The following SPEN variants were observed in gnomAD, a reference collection of about 807,000 sequenced individuals.
The protein encoded by SPEN is msx2-interacting protein.
In SPEN, 18 loss-of-function variants were observed where a neutral mutation model predicts 269.9. The ratio of observed to expected loss-of-function variants is 0.07; its 90% CI spans 0.05 to 0.10. SPEN has a LOEUF of 0.10. SPEN is among the 10% of genes least tolerant of loss of function. The pLI, the probability that SPEN is intolerant of heterozygous loss-of-function variation, is 1.00. For missense variants in SPEN, 3,822 were observed against 4,631.2 expected (o/e 0.83, Z 5.07); for synonymous variants, 1,726 against 1,765.7 (o/e 0.98, Z 0.56).
chr1:15,859,260 A>G lies in SPEN; in HGVS notation c.83+11110A>G, dbSNP rs142339363. On this transcript the variant is annotated intron_variant, in intron 1 of 14. Transcript: ENST00000375759. ...AGCCTCCAACTTTTGGCTTCAAGCAATATTTCCGCCTCAACCTGCCAAGTA... is the reference window on the plus strand; with the variant it reads ...AGCCTCCAACTTTTGGCTTCAAGCAGTATTTCCGCCTCAACCTGCCAAGTA... 3.3e-3 allele frequency among the ~76,000 whole-genome samples: 493 copies of G among 151,336 alleles called. 1 individual carries two copies. The highest frequency in any genetic ancestry group is 0.011 in the African/African-American group (448 of 41,258).
Position 15,892,012 on chromosome 1 carries a change from CTT to C in SPEN, c.881+15358_881+15359del, listed in dbSNP as rs71003216. 3.7e-3 allele frequency among the ~76,000 whole-genome samples: 278 copies of C among 74,598 alleles called. 1 individual carries two copies. Among genetic ancestry groups the C allele is most frequent in the South Asian group, 0.012 (20 of 1,636 alleles). The allele number at this position is 74,598 out of a possible 152,430, so 48.9% of individuals were successfully genotyped here. On this transcript the variant is annotated intron_variant, in intron 3 of 14. Coordinates refer to ENST00000375759, the MANE Select transcript of SPEN (RefSeq NM_015001.3). ...CATTAATTACATCTGTTTCTTTTTA[CTT>C]TTTTTTTTTTTTTTTTTTTTTTTGG...
At chr1:15,910,365 C>T (rs573078779) in intron 4 of SPEN, among the ~76,000 whole-genome samples, 2 of 151,986 alleles carry the variant, frequency 1.3e-5, no homozygotes, top group Non-Finnish European at 1.5e-5. Flanking sequence ...GTAAAGGATA[C>T]TAAAATTGTT....
At chr1:15,910,780 A>T (rs1254745017) in intron 4 of SPEN, among the ~76,000 whole-genome samples, 1 of 152,108 alleles carries the variant, frequency 6.6e-6, no homozygotes, top group Non-Finnish European at 1.5e-5. Flanking sequence ...CAATACTATC[A>T]TCTAACAGTT....
chr1:15,909,593 T>C, intron 4 of SPEN, 112 bp downstream of exon 4: 1 of 1,143,604 alleles, frequency 8.7e-7, no homozygotes, highest in Non-Finnish European at 1.3e-6. Flanking sequence ...AAAACCCATT[T>C]CGAAATATTA....
chr1:15,936,341 T>G (rs1198297951), intron 11 of SPEN, 75 bp downstream of exon 11: 9 of 1,464,422 alleles, frequency 6.1e-6, no homozygotes, highest in African/African-American at 1.4e-5. Context: ...TAAGCCAAGA[T>G]GTGTGAAAGA....
Position 15,929,089 on chromosome 1 carries a change from A to C in SPEN, c.2849A>C (p.Glu950Ala). ...PKEKGLSSHV[E>A]VVEKEGRLKA... ...GAAAAGGGGCTTTCAAGCCATGTTG[A>C]AGTGGTGGAGAAGGAAGGCAGGCTT... The change falls in exon 11 of 15, where the codon GAA (glutamate) becomes GCA (alanine). Residue 950 changes from glutamate to alanine, a missense_variant. Physicochemically the swap from Glu to Ala is moderately radical, Grantham distance 107. Transcript: ENST00000375759. This position sits in a 1 kb window ranked among gnomAD's most constrained non-coding sequence, Gnocchi z 5.8. 1 of 1,614,218 alleles carries C rather than the reference A, an allele frequency of 6.2e-7. No individual in the cohort carries two copies. Among genetic ancestry groups the C allele is most frequent in the South Asian group, 1.1e-5 (1 of 91,082 alleles).
At chr1:15,888,115 G>C (rs1013608628) in intron 3 of SPEN, among the ~76,000 whole-genome samples, 4 of 151,000 alleles carry the variant, frequency 2.6e-5, no homozygotes, top group African/African-American at 9.7e-5. Flanking sequence ...TTATTTATTT[G>C]TCTTTTTTTT....
chr1:15,911,663 A>G (rs1227708483), intron 5 of SPEN, among the ~76,000 whole-genome samples: 1 of 152,168 alleles, frequency 6.6e-6, no homozygotes, highest in Non-Finnish European at 1.5e-5. Context: ...CTTGAATTGG[A>G]AAGGAAACTA....
intron 5 of SPEN, among the ~76,000 whole-genome samples, chr1:15,911,683 G>A (rs2071013178): frequency 6.6e-6 from 1 of 152,210 alleles, no homozygotes; most frequent in Non-Finnish European, 1.5e-5. Flanking sequence ...ACTTCTGGTT[G>A]GGCGCAGTGG....
intron 3 of SPEN, among the ~76,000 whole-genome samples, chr1:15,892,329 T>C (rs1261964761): frequency 6.6e-6 from 1 of 152,160 alleles, no homozygotes; most frequent in African/African-American, 2.4e-5. Context: ...CAGCTCTTCG[T>C]TTTACTTTTT....
rs749623938 is a variant in SPEN, at chr1:15,933,956, G to A, written c.7716G>A (p.Pro2572=). The change falls in exon 11 of 15, where the codon CCG becomes CCA. Residue 2572 remains proline (P), a synonymous_variant. Transcript: ENST00000375759. This position sits in a 1 kb window ranked among gnomAD's most constrained non-coding sequence, Gnocchi z 5.7. ...VSAAPCLHEA[P]PPPVDSKKPL... Reference sequence around the variant, plus strand: ...CTGCCCCTTGCCTACATGAGGCCCCGCCCCCGCCAGTTGACTCTAAAAAGC... The same window carrying A: ...CTGCCCCTTGCCTACATGAGGCCCCACCCCCGCCAGTTGACTCTAAAAAGC... 1.2e-5 allele frequency: 20 copies of A among 1,613,524 alleles called. No individual in the cohort carries two copies. Among genetic ancestry groups the A allele is most frequent in the Middle Eastern group, 3.3e-4 (2 of 6,060 alleles).
intron 1 of SPEN, among the ~76,000 whole-genome samples, chr1:15,862,550 A>G (rs539164666): frequency 6.6e-6 from 1 of 152,340 alleles, no homozygotes; most frequent in African/African-American, 2.4e-5. Context: ...GTAGAATCTA[A>G]AGATTACAGA....
In SPEN at chr1:15,935,588, G is replaced by A. The variant is rs751279286; in HGVS notation, c.9348G>A (p.Ala3116=). Residue 3116 remains alanine (A), a synonymous_variant, in exon 11 of 15, where the codon GCG becomes GCA. Coordinates refer to ENST00000375759, the MANE Select transcript of SPEN (RefSeq NM_015001.3). This position sits in a 1 kb window ranked among gnomAD's most constrained non-coding sequence, Gnocchi z 7.7. ...PSITYSIRPE[A]LHSPRAPLQP... ...TCACCTACAGCATCCGGCCAGAAGC[G>A]CTTCACTCTCCTCGGGCTCCGCTGC... 4.3e-6 allele frequency: 7 copies of A among 1,613,954 alleles called. No individual in the cohort carries two copies. The highest frequency in any genetic ancestry group is 1.1e-5 in the South Asian group (1 of 91,086).
At chr1:15,926,257 C>T (rs908649498) in intron 10 of SPEN, among the ~76,000 whole-genome samples, 2 of 151,768 alleles carry the variant, frequency 1.3e-5, no homozygotes, top group Admixed American at 6.6e-5. Flanking sequence ...ATTGGCCAAG[C>T]GTGGTGGCGC....
At chr1:15,860,674 C>A (rs185145507) in intron 1 of SPEN, among the ~76,000 whole-genome samples, 1 of 151,388 alleles carries the variant, frequency 6.6e-6, no homozygotes, top group Non-Finnish European at 1.5e-5. Context: ...ACAATCTTGG[C>A]TCATTGCAAC....
At chr1:15,891,959 A>G (rs2070793654) in intron 3 of SPEN, among the ~76,000 whole-genome samples, 1 of 148,460 alleles carries the variant, frequency 6.7e-6, no homozygotes, top group South Asian at 2.1e-4. Context: ...TATTTTGAAT[A>G]TATTAGGTTA....
rs1386910185 is a variant in SPEN at position 15,935,248 on chromosome 1, C to G, written c.9008C>G (p.Ser3003Trp). The G allele has an allele frequency of 6.2e-7, 1 of 1,614,048 alleles. No individual in the cohort carries two copies. Among genetic ancestry groups the G allele is most frequent in the Admixed American group, 1.7e-5 (1 of 59,998 alleles). Reference protein sequence around the residue: ...KLPTEVNHVPSGPSIPADRTV... With the variant: ...KLPTEVNHVPWGPSIPADRTV... ...CCTACAGAAGTCAACCATGTCCCCTCGGGGCCCAGCATCCCAGCAGATCGA... is the reference window on the plus strand; with the variant it reads ...CCTACAGAAGTCAACCATGTCCCCTGGGGGCCCAGCATCCCAGCAGATCGA... Residue 3003 changes from serine (S) to tryptophan (W), a missense_variant, in exon 11 of 15, where the codon TCG (serine) becomes TGG (tryptophan). By Grantham distance (177) the Ser-to-Trp change is radical (BLOSUM62 -3). Around this residue, in one of 16 missense-constraint regions of SPEN, gnomAD observed 94 missense variants for 90.4 expected, o/e 1.04. Coordinates refer to ENST00000375759, the MANE Select transcript of SPEN (RefSeq NM_015001.3). The surrounding 1 kb of genome is among the most constrained non-coding windows in gnomAD (Gnocchi z 7.7).
intron 2 of SPEN, chr1:15,874,509 C>A: frequency 1.3e-6 from 1 of 763,860 alleles, no homozygotes; most frequent in South Asian, 2.1e-5. Context: ...CAGAGAATAG[C>A]CATTAGATTT....
chr1:15,895,525 T>C (rs1308799601), intron 3 of SPEN, among the ~76,000 whole-genome samples: 2 of 152,182 alleles, frequency 1.3e-5, no homozygotes, highest in East Asian at 1.9e-4. Flanking sequence ...GTGAATAATA[T>C]TCCTTTATTC....
Sources: allele counts gnomAD v4.1 joint callset (sites outside exome capture counted in the v4.1 genomes callset), GRCh38; gene constraint gnomAD v4.1.1; regional missense constraint gnomAD v4.1.1; non-coding constraint Gnocchi (gnomAD v3.1); transcripts MANE v1.5; gene names NCBI Gene and HGNC (gene_info 2026-07-23, HGNC 2026-07-21).